Variants in GEMIN2 observed in about 807,000 individuals in gnomAD.
GEMIN2 encodes gem nuclear organelle associated protein 2, also known as gem-associated protein 2.
A neutral mutation model predicts 45.8 loss-of-function variants in GEMIN2; 37 were observed. The ratio of observed to expected loss-of-function variants is 0.81; its 90% CI spans 0.62 to 1.06. GEMIN2 has a LOEUF of 1.06. Among genes scored for constraint, GEMIN2 ranks in the 50% least tolerant of loss-of-function variants. The pLI, the probability that GEMIN2 is intolerant of heterozygous loss-of-function variation, is 0.00. For missense variants in GEMIN2, 335 were observed against 321.8 expected, an observed-to-expected ratio of 1.04 and a Z score of -0.31; for synonymous variants, 101 against 111.5, an observed-to-expected ratio of 0.91 and a Z score of 0.60.
At chr14:39,133,073 G>T (rs2052740459) in intron 8 of GEMIN2, among the ~76,000 whole-genome samples, 1 of 137,088 alleles carries the variant, frequency 7.3e-6, no homozygotes, top group African/African-American at 2.6e-5. Context: ...ATTCAGTAAT[G>T]AATATATATA....
chr14:39,118,015 C>T lies in GEMIN2; in HGVS notation c.239C>T (p.Pro80Leu). The change falls in exon 3 of 10, where the codon CCC (proline) becomes CTC (leucine). Residue 80 changes from proline (P) to leucine (L), a missense_variant. By Grantham distance (98) the Pro-to-Leu change is moderately conservative. Transcript: ENST00000308317. ...SVNISLSGCQ[P>L]APEGYSPTLQ... ...GATCTCTAGCTTTCAGGATGCCAAC[C>T]CGCCCCTGAAGGTTATTCCCCAACA... is the stretch of plus-strand genomic sequence containing the variant. 2.5e-6 allele frequency: 4 copies of T among 1,600,808 alleles called. No individual in the cohort carries two copies. The highest frequency in any genetic ancestry group is 3.4e-6 in the Non-Finnish European group (4 of 1,170,694).
At chr14:39,127,278 C>T (rs969445113) in intron 6 of GEMIN2, among the ~76,000 whole-genome samples, 4 of 137,496 alleles carry the variant, frequency 2.9e-5, no homozygotes, top group South Asian at 2.4e-4. Flanking sequence ...TTAGTAGAGA[C>T]GGGGTTTTGC....
intron 9 of GEMIN2, among the ~76,000 whole-genome samples, chr14:39,135,122 T>C (rs2052766432): frequency 6.6e-6 from 1 of 150,796 alleles, no homozygotes; most frequent in Non-Finnish European, 1.5e-5. Flanking sequence ...ACAAGTATAG[T>C]TTCTGACTGC....
intron 4 of GEMIN2, among the ~76,000 whole-genome samples, chr14:39,121,150 A>AT (rs145409312): frequency 6.6e-6 from 1 of 151,866 alleles, no homozygotes; most frequent in Admixed American, 6.6e-5. Flanking sequence ...TTCTTGGTGC[A>AT]TTTTTTCCCC....
chr14:39,120,695 T>C (rs1205134538), intron 4 of GEMIN2, among the ~76,000 whole-genome samples: 1 of 152,210 alleles, frequency 6.6e-6, no homozygotes, highest in Non-Finnish European at 1.5e-5. Flanking sequence ...TGGCACAATC[T>C]TGGCTCACTG....
intron 6 of GEMIN2, among the ~76,000 whole-genome samples, chr14:39,128,000 G>A (rs61999433): frequency 0.13 from 19,804 of 149,934 alleles, 1,365 homozygotes; most frequent in Middle Eastern, 0.17. Flanking sequence ...CCCGGGAGGC[G>A]GAGGTTGCAG....
chr14:39,114,794 A>T, intron 1 of GEMIN2, 35 bp from the exon 2 acceptor site: 3 of 1,123,064 alleles, frequency 2.7e-6, no homozygotes, highest in Non-Finnish European at 4.1e-6. Context: ...AGCACAACAG[A>T]AATTTAATTT....
At chr14:39,126,130 A>C (rs1485215436) in intron 6 of GEMIN2, among the ~76,000 whole-genome samples, 2 of 152,134 alleles carry the variant, frequency 1.3e-5, no homozygotes, top group African/African-American at 4.8e-5. Flanking sequence ...TTCATTTAAA[A>C]AGCAAATAAA....
intron 7 of GEMIN2, among the ~76,000 whole-genome samples, chr14:39,129,758 A>G (rs759447079): frequency 4.5e-4 from 68 of 151,788 alleles, no homozygotes; most frequent in Non-Finnish European, 5.4e-4. Context: ...GTGTGTGTGT[A>G]TATACATATG....
chr14:39,133,982 G>C (rs903323225), intron 9 of GEMIN2: 1 of 221,538 alleles, frequency 4.5e-6, no homozygotes, highest in East Asian at 9.9e-5. Flanking sequence ...TGTTCGTAGA[G>C]ACAGGGTCTC....
intron 9 of GEMIN2, 137 bp downstream of exon 9, chr14:39,133,856 C>G: frequency 2.0e-6 from 1 of 509,262 alleles, no homozygotes; most frequent in East Asian, 3.3e-5. Flanking sequence ...TGCAGTGGCG[C>G]AATCACAGCT....
At chr14:39,114,611 C>T in intron 1 of GEMIN2, 136 bp downstream of exon 1, 1 of 699,338 alleles carries the variant, frequency 1.4e-6, no homozygotes, top group Non-Finnish European at 2.4e-6. Context: ...CTAACGTGGG[C>T]GAGTTTCTGT....
At chr14:39,130,660 G>C (rs930275953) in intron 7 of GEMIN2, among the ~76,000 whole-genome samples, 1 of 152,206 alleles carries the variant, frequency 6.6e-6, no homozygotes, top group East Asian at 1.9e-4. Context: ...TAGGGAGGCC[G>C]AGGTGGGCGG....
chr14:39,132,745 C>G (rs1193843641), intron 8 of GEMIN2, among the ~76,000 whole-genome samples: 1 of 134,494 alleles, frequency 7.4e-6, no homozygotes, highest in African/African-American at 2.8e-5. Context: ...ATGGTGCGGT[C>G]TCGGCTCACT....
At chr14:39,133,974 T>A (rs2052752993) in intron 9 of GEMIN2, 1 of 227,740 alleles carries the variant, frequency 4.4e-6, no homozygotes, top group Non-Finnish European at 8.5e-6. Context: ...AAAAAAATTG[T>A]TCGTAGAGAC....
intron 6 of GEMIN2, among the ~76,000 whole-genome samples, chr14:39,125,419 T>C (rs1385199135): frequency 6.6e-6 from 1 of 152,186 alleles, no homozygotes; most frequent in East Asian, 1.9e-4. Flanking sequence ...ACAAGGTCCC[T>C]GACTTACAAT....
chr14:39,134,586 T>A (rs557572059), intron 9 of GEMIN2, among the ~76,000 whole-genome samples: 1 of 152,324 alleles, frequency 6.6e-6, no homozygotes, highest in South Asian at 2.1e-4. Context: ...TTTCACATAT[T>A]CAATATCTAG....
intron 9 of GEMIN2, among the ~76,000 whole-genome samples, chr14:39,135,165 T>C (rs999384359): frequency 6.6e-6 from 1 of 152,216 alleles, no homozygotes; most frequent in African/African-American, 2.4e-5. Context: ...TATGCAATTA[T>C]GAAAGCAAAA....
intron 5 of GEMIN2, 170 bp downstream of exon 5, chr14:39,122,713 A>G (rs752962352): frequency 2.2e-5 from 10 of 450,768 alleles, no homozygotes; most frequent in Non-Finnish European, 3.2e-5. Flanking sequence ...GAAACAAATA[A>G]TATGTGGCTG....
Sources: gnomAD v4.1 joint callset for allele counts (sites outside exome capture counted in the v4.1 genomes callset) on GRCh38, gnomAD v4.1.1 for gene constraint, MANE v1.5 for transcripts, NCBI Gene and HGNC (gene_info 2026-07-23, HGNC 2026-07-21) for gene names.